LRRC8D: variants seen among roughly 807,000 people sequenced by gnomAD.
LRRC8D encodes leucine rich repeat containing 8 VRAC subunit D, also known as volume-regulated anion channel subunit LRRC8D.
In LRRC8D, 20 loss-of-function variants were observed where a neutral mutation model predicts 55.8. That is an observed-to-expected ratio of 0.36 (90% confidence interval 0.25 to 0.52). LRRC8D has a LOEUF of 0.52. Ranked by LOEUF, LRRC8D falls within the 20% of genes least tolerant of loss-of-function variation. The pLI, the probability that LRRC8D is intolerant of heterozygous loss-of-function variation, is 0.93. For synonymous variants in LRRC8D, 352 were observed against 377.0 expected, an observed-to-expected ratio of 0.93 and a Z score of 0.77; for missense variants, 651 against 1,030.8, an observed-to-expected ratio of 0.63 and a Z score of 5.05.
At chr1:89,868,707 T>G (rs1661917472) in intron 2 of LRRC8D, among the ~76,000 whole-genome samples, 1 of 152,316 alleles carries the variant, frequency 6.6e-6, no homozygotes, top group Middle Eastern at 3.4e-3. Flanking sequence ...AAATTTAGGT[T>G]CAGCAAGACC....
At chr1:89,866,682 CTT>C (rs1267332326) in intron 2 of LRRC8D, among the ~76,000 whole-genome samples, 2 of 152,178 alleles carry the variant, frequency 1.3e-5, no homozygotes, top group Admixed American at 6.5e-5. Context: ...GAATGTCAAG[CTT>C]TGTTTTCTGG....
chr1:89,860,785 A>AAAATATATAT (rs1553123917), intron 2 of LRRC8D, among the ~76,000 whole-genome samples: 10 of 28,190 alleles, frequency 3.5e-4, no homozygotes, highest in East Asian at 2.0e-3. Context: ...AAAAAAAAAA[A>AAAATATATAT]ATATATATAT....
intron 2 of LRRC8D, among the ~76,000 whole-genome samples, chr1:89,930,440 C>A (rs932786567): frequency 7.9e-5 from 12 of 152,168 alleles, no homozygotes; most frequent in African/African-American, 2.4e-4. Flanking sequence ...GATCCACCCA[C>A]CTCGGCCTCC....
chr1:89,878,713 C>T (rs1340485974), intron 2 of LRRC8D, among the ~76,000 whole-genome samples: 1 of 152,128 alleles, frequency 6.6e-6, no homozygotes, highest in Non-Finnish European at 1.5e-5. Context: ...CGCCTGTAAT[C>T]CCAGCACTTT....
At chr1:89,855,938 C>G (rs1357708691) in intron 2 of LRRC8D, among the ~76,000 whole-genome samples, 1 of 152,054 alleles carries the variant, frequency 6.6e-6, no homozygotes, top group East Asian at 1.9e-4. Flanking sequence ...TTTCTAACCA[C>G]AAAAATAAGT....
At chr1:89,843,889 G>A in intron 2 of LRRC8D, 107 bp downstream of exon 2, 1 of 514,396 alleles carries the variant, frequency 1.9e-6, no homozygotes, top group South Asian at 2.4e-5. Flanking sequence ...AGCTTCACTT[G>A]CCCGCCCCCC....
intron 1 of LRRC8D, among the ~76,000 whole-genome samples, chr1:89,828,384 G>A (rs1211115999): frequency 2.0e-5 from 3 of 152,194 alleles, no homozygotes; most frequent in Non-Finnish European, 2.9e-5. Flanking sequence ...AAAATGAGAA[G>A]AGTGAAGACA....
At chr1:89,916,039 A>G (rs1663259988) in intron 2 of LRRC8D, among the ~76,000 whole-genome samples, 1 of 152,236 alleles carries the variant, frequency 6.6e-6, no homozygotes, top group South Asian at 2.1e-4. Context: ...CACCACAGGA[A>G]GGTTTAAGCG....
chr1:89,850,490 T>G (rs150003752), intron 2 of LRRC8D, among the ~76,000 whole-genome samples: 2,945 of 152,302 alleles, frequency 0.019, 103 homozygotes, highest in African/African-American at 0.065. Context: ...TTCTCATCAT[T>G]TAGCTCCCAC....
At chr1:89,872,500 A>T (rs950540098) in intron 2 of LRRC8D, among the ~76,000 whole-genome samples, 1 of 152,224 alleles carries the variant, frequency 6.6e-6, no homozygotes, top group Non-Finnish European at 1.5e-5. Flanking sequence ...GAACCAACCC[A>T]GTCATATTCT....
At chr1:89,883,606 G>A (rs912143709) in intron 2 of LRRC8D, among the ~76,000 whole-genome samples, 2 of 152,136 alleles carry the variant, frequency 1.3e-5, no homozygotes, top group South Asian at 4.1e-4. Context: ...TGGATTCTGG[G>A]CCTTTAAGGC....
At chr1:89,825,862 G>C (rs927548505) in intron 1 of LRRC8D, among the ~76,000 whole-genome samples, 9 of 152,164 alleles carry the variant, frequency 5.9e-5, no homozygotes, top group Admixed American at 3.9e-4. Flanking sequence ...TACTTGATTT[G>C]GGTGGTAGCT....
At chr1:89,918,823 T>A (rs1663342955) in intron 2 of LRRC8D, among the ~76,000 whole-genome samples, 1 of 152,236 alleles carries the variant, frequency 6.6e-6, no homozygotes, top group Non-Finnish European at 1.5e-5. Context: ...GAGTTGTTGA[T>A]CATTTTGACT....
At chr1:89,835,613 G>T (rs557789100) in intron 1 of LRRC8D, among the ~76,000 whole-genome samples, 2 of 152,300 alleles carry the variant, frequency 1.3e-5, no homozygotes, top group East Asian at 3.9e-4. Context: ...CTCTTGGAGA[G>T]CATGAGCTCT....
intron 2 of LRRC8D, among the ~76,000 whole-genome samples, chr1:89,844,630 C>T (rs1661226949): frequency 6.6e-6 from 1 of 152,214 alleles, no homozygotes; most frequent in Non-Finnish European, 1.5e-5. Flanking sequence ...TTCACTTCCA[C>T]ATCGTGTTCC....
chr1:89,860,756 CAAAAAAAA>C (rs1181859656), intron 2 of LRRC8D, among the ~76,000 whole-genome samples: 6 of 18,838 alleles, frequency 3.2e-4, no homozygotes, highest in Non-Finnish European at 3.3e-4. Flanking sequence ...GACTCTATCT[CAAAAAAAA>C]AAAAAAAAAA....
chr1:89,825,879 C>CA (rs1366730422), intron 1 of LRRC8D, among the ~76,000 whole-genome samples: 1 of 152,176 alleles, frequency 6.6e-6, no homozygotes, highest in Non-Finnish European at 1.5e-5. Flanking sequence ...AGCTGTCTCA[C>CA]AGTGTTGAAG....
intron 1 of LRRC8D, among the ~76,000 whole-genome samples, chr1:89,841,765 C>G (rs1339411324): frequency 6.6e-6 from 1 of 152,098 alleles, no homozygotes; most frequent in African/African-American, 2.4e-5. Context: ...ATGGAAAAAG[C>G]CAGTATCCTC....
intron 2 of LRRC8D, among the ~76,000 whole-genome samples, chr1:89,929,038 C>A (rs1663635889): frequency 1.3e-5 from 2 of 152,190 alleles, no homozygotes; most frequent in Admixed American, 1.3e-4. Context: ...ATCTCAAAAT[C>A]ATTTCATTGA....
Sources: allele counts gnomAD v4.1 joint callset (sites outside exome capture counted in the v4.1 genomes callset), GRCh38; gene constraint gnomAD v4.1.1; transcripts MANE v1.5; gene names NCBI Gene and HGNC (gene_info 2026-07-23, HGNC 2026-07-21).